PRICKLE1: variants seen among roughly 807,000 people sequenced by gnomAD.
PRICKLE1 encodes the protein prickle-like protein 1.
Under a neutral mutation model 70.2 loss-of-function variants are expected in PRICKLE1, and 14 were observed. That is an observed-to-expected ratio of 0.20 (90% CI 0.13 to 0.31). The LOEUF is 0.31. PRICKLE1 is among the 10% of genes least tolerant of loss of function. PRICKLE1 has a pLI of 1.00. For synonymous variants in PRICKLE1, 357 were observed against 379.9 expected, an observed-to-expected ratio of 0.94 and a Z score of 0.70; for missense variants, 821 against 1,026.2, an observed-to-expected ratio of 0.80 and a Z score of 2.73.
intron 1 of PRICKLE1, among the ~76,000 whole-genome samples, chr12:42,497,136 T>C (rs1188101252): frequency 6.6e-6 from 1 of 152,022 alleles, no homozygotes; most frequent in Non-Finnish European, 1.5e-5. Flanking sequence ...CAGGCCACTG[T>C]AGGGATATTA....
intron 1 of PRICKLE1, among the ~76,000 whole-genome samples, chr12:42,477,531 T>A (rs1938616335): frequency 1.0e-5 from 1 of 95,786 alleles, no homozygotes; most frequent in Admixed American, 1.2e-4. Flanking sequence ...TATATATATA[T>A]ATGACCTCAC....
chr12:42,524,335 A>G (rs1939763610), intron 1 of PRICKLE1, among the ~76,000 whole-genome samples: 1 of 152,250 alleles, frequency 6.6e-6, no homozygotes, highest in Non-Finnish European at 1.5e-5. Flanking sequence ...TTTTCCTGAA[A>G]TAATCAAAGG....
chr12:42,477,696 A>G (rs950481872), intron 1 of PRICKLE1, among the ~76,000 whole-genome samples: 1 of 151,828 alleles, frequency 6.6e-6, no homozygotes, highest in Non-Finnish European at 1.5e-5. Flanking sequence ...CTGCCAAAAC[A>G]TCATGCTTTA....
intron 1 of PRICKLE1, among the ~76,000 whole-genome samples, chr12:42,576,209 C>CT (rs1448296643): frequency 6.6e-6 from 1 of 152,176 alleles, no homozygotes; most frequent in East Asian, 1.9e-4. Context: ...GCAATTTCTC[C>CT]TTACTTTTCA....
At chr12:42,489,638 GA>G (rs1447931212) in intron 1 of PRICKLE1, 1 of 124,594 alleles carries the variant, frequency 8.0e-6, no homozygotes, top group African/African-American at 3.0e-5. Context: ...AAACCTGGGG[GA>G]TAAGAGCGAG....
In PRICKLE1 at chr12:42,466,229, TAG is replaced by T; in HGVS notation, c.738_739del (p.Tyr247CysfsTer5). On this transcript the variant is annotated frameshift_variant, in exon 6 of 8. Transcript: ENST00000345127. LOFTEE classifies it high-confidence loss of function. ...CCCACAGGTTTCACAGTACTCCGCA[TAG>T]AGAGACTCAAAACAGCCACAGCAGA... 6.2e-7 allele frequency: 1 copy of T among 1,614,186 alleles called. No individual in the cohort carries two copies. The highest frequency in any genetic ancestry group is 8.5e-7 in the Non-Finnish European group (1 of 1,180,040).
chr12:42,577,754 A>C (rs1208170186), intron 1 of PRICKLE1, among the ~76,000 whole-genome samples: 1 of 152,236 alleles, frequency 6.6e-6, no homozygotes, highest in Admixed American at 6.5e-5. Flanking sequence ...GAGATGCAAT[A>C]ATTATGTAAA....
At chr12:42,460,968 AC>A (rs1937809911) in intron 7 of PRICKLE1, among the ~76,000 whole-genome samples, 1 of 151,664 alleles carries the variant, frequency 6.6e-6, no homozygotes, top group South Asian at 2.1e-4. Flanking sequence ...CACAATCTCC[AC>A]CTCCCAGGTT....
chr12:42,463,470 AGCACTTTGGGAGGCTGAG>A (rs2140097209), intron 7 of PRICKLE1, among the ~76,000 whole-genome samples: 1 of 152,234 alleles, frequency 6.6e-6, no homozygotes, highest in Admixed American at 6.5e-5. Context: ...CTATAATCCC[AGCACTTTGGGAGGCTGAG>A]GCGGGTGGAT....
chr12:42,528,377 A>G (rs1488039613), intron 1 of PRICKLE1, among the ~76,000 whole-genome samples: 2 of 152,206 alleles, frequency 1.3e-5, no homozygotes, highest in Non-Finnish European at 2.9e-5. Context: ...CCCAGCCCGA[A>G]AAACTAACTT....
rs1004574130 is a variant in PRICKLE1, at chr12:42,456,825, C to T, written c.*2984G>A. 1 of 152,076 alleles carries T rather than the reference C, an allele frequency of 6.6e-6. No homozygotes were observed. The highest frequency in any genetic ancestry group is 2.4e-5 in the African/African-American group (1 of 41,408). The allele number at this position is 152,076 out of a possible 1,614,324, so 9.4% of individuals were successfully genotyped here. On this transcript the variant is annotated 3_prime_UTR_variant, in exon 8 of 8. Transcript: ENST00000345127. ...CTGTAAGGCAGTTGCTTCTTTCTTCCGTTGTAGATAGTCTTCTGTTATTGC... is the reference window on the plus strand; with the variant it reads ...CTGTAAGGCAGTTGCTTCTTTCTTCTGTTGTAGATAGTCTTCTGTTATTGC...
At chr12:42,560,101 TTAATTA>T (rs1390813835) in intron 1 of PRICKLE1, among the ~76,000 whole-genome samples, 2 of 126,844 alleles carry the variant, frequency 1.6e-5, no homozygotes, top group African/African-American at 2.8e-5. Context: ...GAAATCTCCT[TTAATTA>T]TTATTATTAT....
chr12:42,477,851 C>T (rs1466254323), intron 1 of PRICKLE1, among the ~76,000 whole-genome samples: 1 of 151,826 alleles, frequency 6.6e-6, no homozygotes, highest in Non-Finnish European at 1.5e-5. Flanking sequence ...GGAAATAGAA[C>T]TATTCAAAGT....
Position 42,460,070 on chromosome 12 carries a change from G to T in PRICKLE1, c.2235C>A (p.Asn745Lys). 1 of 1,614,144 alleles carries T rather than the reference G, an allele frequency of 6.2e-7. No homozygotes were observed. Among genetic ancestry groups the T allele is most frequent in the Non-Finnish European group, 8.5e-7 (1 of 1,180,042 alleles). Residue 745 changes from asparagine (N) to lysine (K), a missense_variant, in exon 8 of 8, where the codon AAC becomes AAA. By Grantham distance (94) the Asn-to-Lys change is moderately conservative. Coordinates refer to ENST00000345127, the MANE Select transcript of PRICKLE1 (RefSeq NM_153026.3). ...AHATSDYGLQ[N>K]PGMNRFLGLY... ...GTCCCAGAAACCGATTCATTCCTGG[G>T]TTCTGCAGGCCATAATCGGAAGTGG...
intron 3 of PRICKLE1, chr12:42,470,017 G>T (rs966245000): frequency 7.1e-5 from 38 of 532,002 alleles, no homozygotes; most frequent in Middle Eastern, 5.1e-4. Context: ...TCATTGGTGG[G>T]TGGCTGCAAA....
At chr12:42,509,060 G>C (rs148880739) in intron 1 of PRICKLE1, among the ~76,000 whole-genome samples, 74 of 152,342 alleles carry the variant, frequency 4.9e-4, no homozygotes, top group African/African-American at 1.6e-3. Context: ...ATTGCATGTG[G>C]TTCCTTTGAG....
intron 1 of PRICKLE1, among the ~76,000 whole-genome samples, chr12:42,554,294 A>G (rs1940376407): frequency 1.3e-5 from 2 of 152,372 alleles, no homozygotes; most frequent in Admixed American, 1.3e-4. Context: ...TGCTCATTAC[A>G]TAGTGTTCCT....
chr12:42,478,735 T>G (rs971610733), intron 1 of PRICKLE1, among the ~76,000 whole-genome samples: 1 of 152,088 alleles, frequency 6.6e-6, no homozygotes, highest in Non-Finnish European at 1.5e-5. Flanking sequence ...TCTTTTTTTT[T>G]TTTTTTAGAA....
intron 1 of PRICKLE1, among the ~76,000 whole-genome samples, chr12:42,497,397 A>AT (rs1356038693): frequency 6.6e-5 from 10 of 151,816 alleles, no homozygotes. Context: ...TACAAAAACA[A>AT]AATTAGCAGG....
Sources: allele counts gnomAD v4.1 joint callset (sites outside exome capture counted in the v4.1 genomes callset), GRCh38; gene constraint gnomAD v4.1.1; transcripts MANE v1.5; gene names NCBI Gene and HGNC (gene_info 2026-07-23, HGNC 2026-07-21).